The following SLC9A7 variants were observed in gnomAD, a reference collection of about 807,000 sequenced individuals.
SLC9A7 encodes the protein solute carrier family 9 member A7.
SLC9A7 carries 19 observed loss-of-function variants against 52.6 expected under a neutral mutation model. The ratio of observed to expected loss-of-function variants is 0.36; its 90% CI spans 0.25 to 0.53. SLC9A7 has a LOEUF of 0.53. SLC9A7 is among the 20% of genes least tolerant of loss of function. The pLI is 0.91. For missense variants in SLC9A7, 455 were observed against 597.9 expected, an observed-to-expected ratio of 0.76 and a Z score of 2.49; for synonymous variants, 226 against 252.1, an observed-to-expected ratio of 0.90 and a Z score of 0.98.
chrX:46,738,040 A>AAAGAAAGAAAG (rs1945153109), intron 1 of SLC9A7, among the ~76,000 whole-genome samples: 1 of 10,505 alleles, frequency 9.5e-5, no homozygotes, highest in African/African-American at 3.1e-4. Context: ...AAAAAGAAAG[A>AAAGAAAGAAAG]AAGAAAGAAA....
At chrX:46,613,699 T>A (rs889209864) in intron 15 of SLC9A7, among the ~76,000 whole-genome samples, 8 of 111,872 alleles carry the variant, frequency 7.2e-5, no homozygotes, top group African/African-American at 2.6e-4. Context: ...AAGTTTTGGT[T>A]TCAATCAGCA....
chrX:46,736,545 A>T (rs1205357623), intron 1 of SLC9A7, among the ~76,000 whole-genome samples: 1 of 111,627 alleles, frequency 9.0e-6, no homozygotes, highest in Non-Finnish European at 1.9e-5. Context: ...TATTTTTTAT[A>T]CTTGAAGATG....
At chrX:46,734,544 G>A (rs1479141053) in intron 1 of SLC9A7, among the ~76,000 whole-genome samples, 1 of 111,573 alleles carries the variant, frequency 9.0e-6, no homozygotes, top group African/African-American at 3.3e-5. Context: ...ATTTTTTAAT[G>A]TAAATGTTCA....
At chrX:46,648,867 G>T in intron 10 of SLC9A7, 70 bp from the exon 11 acceptor site, 1 of 809,802 alleles carries the variant, frequency 1.2e-6, no homozygotes, top group Non-Finnish European at 1.9e-6. Flanking sequence ...CTCCGGCTGA[G>T]CAGAGAATTT....
At chrX:46,638,471 T>C (rs1943355246) in intron 12 of SLC9A7, among the ~76,000 whole-genome samples, 1 of 112,007 alleles carries the variant, frequency 8.9e-6, no homozygotes, top group African/African-American at 3.2e-5. Context: ...TAGCTGGTTC[T>C]TTAGAAAAGA....
chrX:46,614,784 A>G (rs1471409911), intron 15 of SLC9A7, among the ~76,000 whole-genome samples: 1 of 111,861 alleles, frequency 8.9e-6, no homozygotes, highest in Non-Finnish European at 1.9e-5. Context: ...GCAGTGTGGA[A>G]AAGGTGGGGT....
chrX:46,698,627 C>T (rs1336009215), intron 1 of SLC9A7, among the ~76,000 whole-genome samples: 1 of 112,059 alleles, frequency 8.9e-6, no homozygotes, highest in Non-Finnish European at 1.9e-5. Context: ...GGACACCCAG[C>T]CTGTGAAATG....
chrX:46,699,342 C>T (rs750404190), intron 1 of SLC9A7, among the ~76,000 whole-genome samples: 9 of 111,737 alleles, frequency 8.1e-5, no homozygotes, highest in Non-Finnish European at 1.3e-4. Flanking sequence ...CACAGCATTT[C>T]TCTATGGGAG....
rs1943023509 is a variant in SLC9A7, at chrX:46,620,273, T to C, written c.1823+704A>G. 2.7e-5 allele frequency among the ~76,000 whole-genome samples: 3 copies of C among 109,333 alleles called. No homozygotes were observed. The Admixed American group carries it at 2.9e-4, about 11-fold the overall frequency. 94.9% of individuals were successfully genotyped at this position (109,333 alleles called of 115,157 possible). The stretch of plus-strand genomic sequence containing the variant: ...CTATCTCTACCAAAAATACAAAAAA[T>C]TAGCTGGGTGCGGTGGCATGCACCT... On this transcript the variant is annotated intron_variant, in intron 15 of 16. Coordinates refer to ENST00000616978, the MANE Select transcript of SLC9A7 (RefSeq NM_001257291.2).
At chrX:46,739,953 C>A (rs4824411) in intron 1 of SLC9A7, among the ~76,000 whole-genome samples, 2 of 110,769 alleles carry the variant, frequency 1.8e-5, no homozygotes, top group African/African-American at 6.5e-5. Flanking sequence ...ATAGCCCACT[C>A]TATTAATGAA....
At chrX:46,695,232 CA>C (rs771926931) in intron 1 of SLC9A7, among the ~76,000 whole-genome samples, 2 of 112,278 alleles carry the variant, frequency 1.8e-5, no homozygotes, top group African/African-American at 6.5e-5. Context: ...AAAAAAAGAG[CA>C]AATGAGAAAA....
intron 1 of SLC9A7, among the ~76,000 whole-genome samples, chrX:46,749,240 T>C (rs1301416974): frequency 8.9e-6 from 1 of 112,160 alleles, no homozygotes; most frequent in Non-Finnish European, 1.9e-5. Context: ...TATTTTTTGA[T>C]AGACAAAATA....
At chrX:46,662,228 G>A (rs971780138) in intron 6 of SLC9A7, 71 bp from the exon 7 acceptor site, 7 of 980,879 alleles carry the variant, frequency 7.1e-6, no homozygotes, top group Middle Eastern at 2.6e-4. Flanking sequence ...TGAAAATATC[G>A]ACAAACATAG....
intron 7 of SLC9A7, among the ~76,000 whole-genome samples, chrX:46,659,324 G>T (rs1312953928): frequency 2.0e-5 from 2 of 99,593 alleles, no homozygotes; most frequent in Non-Finnish European, 4.1e-5. Context: ...AGACAGGGAT[G>T]CCCTCTCTCA....
chrX:46,708,107 C>T (rs980859630), intron 1 of SLC9A7, among the ~76,000 whole-genome samples: 10 of 112,259 alleles, frequency 8.9e-5, no homozygotes, highest in African/African-American at 9.7e-5. Context: ...CACAAGAGCT[C>T]GAGACCAGCC....
chrX:46,679,360 A>G (rs1231535540), intron 3 of SLC9A7, among the ~76,000 whole-genome samples: 1 of 112,766 alleles, frequency 8.9e-6, no homozygotes, highest in Non-Finnish European at 1.9e-5. Flanking sequence ...TTACGTGAAC[A>G]TAAGTTTTCA....
At chrX:46,677,718 C>T (rs753016946) in intron 3 of SLC9A7, among the ~76,000 whole-genome samples, 16 of 112,235 alleles carry the variant, frequency 1.4e-4, no homozygotes, top group African/African-American at 4.2e-4. Flanking sequence ...CCTGATGGGC[C>T]GGCATCCTCT....
intron 14 of SLC9A7, among the ~76,000 whole-genome samples, chrX:46,629,214 C>G (rs1184791211): frequency 9.0e-6 from 1 of 111,578 alleles, no homozygotes; most frequent in Non-Finnish European, 1.9e-5. Context: ...TGGCTGCCAG[C>G]CCGTTCACAA....
chrX:46,608,467 G>T (rs888454958), intron 16 of SLC9A7, among the ~76,000 whole-genome samples: 13 of 112,007 alleles, frequency 1.2e-4, no homozygotes, highest in Middle Eastern at 4.2e-3. Flanking sequence ...CTCACTTGCT[G>T]CTTCAAATCC....
Sources: gnomAD v4.1 joint callset for allele counts (sites outside exome capture counted in the v4.1 genomes callset) on GRCh38, gnomAD v4.1.1 for gene constraint, MANE v1.5 for transcripts, NCBI Gene and HGNC (gene_info 2026-07-23, HGNC 2026-07-21) for gene names.